ARID1B: variants seen among roughly 807,000 people sequenced by gnomAD.
ARID1B encodes the protein AT-rich interaction domain 1B.
Under a neutral mutation model 212.3 loss-of-function variants are expected in ARID1B, and 30 were observed. The ratio of observed to expected loss-of-function variants is 0.14; its 90% confidence interval spans 0.11 to 0.19. ARID1B has a LOEUF of 0.19. ARID1B is among the 10% of genes least tolerant of loss of function. The probability of loss-of-function intolerance (pLI) is 1.00; values close to 1 mark genes in which losing one functional copy is unlikely to be tolerated. For synonymous variants in ARID1B, 1,402 were observed against 1,301.7 expected (o/e 1.08, Z -1.66); for missense variants, 2,891 against 3,204.0 (o/e 0.90, Z 2.36).
chr6:157,081,550 C>G (rs147297851), intron 4 of ARID1B, among the ~76,000 whole-genome samples: 2 of 152,288 alleles, frequency 1.3e-5, no homozygotes, highest in Admixed American at 1.3e-4. Flanking sequence ...GAGGTCTAGT[C>G]AGCACTGAAA....
At chr6:157,184,119 A>T in intron 12 of ARID1B, 112 bp from the exon 13 acceptor site, 1 of 954,614 alleles carries the variant, frequency 1.0e-6, no homozygotes, top group Non-Finnish European at 1.6e-6. Context: ...AGCATTAGTT[A>T]AAAGAGGCAA....
intron 4 of ARID1B, among the ~76,000 whole-genome samples, chr6:157,065,014 CA>C (rs1317038613): frequency 1.3e-5 from 2 of 152,128 alleles, no homozygotes; most frequent in Non-Finnish European, 2.9e-5. Flanking sequence ...GTTTGTTTAA[CA>C]AAAATTATTA....
intron 1 of ARID1B, among the ~76,000 whole-genome samples, chr6:156,786,440 G>T (rs1332286950): frequency 6.6e-6 from 1 of 152,154 alleles, no homozygotes; most frequent in Non-Finnish European, 1.5e-5. Flanking sequence ...CAGCTGTGAA[G>T]GGAGACTTCT....
intron 2 of ARID1B, among the ~76,000 whole-genome samples, chr6:156,864,312 T>C (rs1189365123): frequency 6.6e-6 from 1 of 152,198 alleles, no homozygotes; most frequent in Non-Finnish European, 1.5e-5. Flanking sequence ...CAAATTGTTA[T>C]CTTGTCTTTC....
In ARID1B at chr6:157,001,486, A is replaced by G. The variant is rs570688952; in HGVS notation, c.2247+65910A>G. Among the ~76,000 whole-genome samples the G allele has an allele frequency of 6.6e-5, 10 of 152,220 alleles. No individual in the cohort carries two copies. The East Asian group carries it at 1.9e-3, about 29-fold the overall frequency. ...GTCCGACGTCTCCTTTCTAGGGGAGAGGAGCCTGAGACCAACCATCGAAGC... is the reference window on the plus strand; with the variant it reads ...GTCCGACGTCTCCTTTCTAGGGGAGGGGAGCCTGAGACCAACCATCGAAGC... On this transcript the variant is annotated intron_variant, in intron 4 of 19. Coordinates refer to ENST00000636930, the MANE Select transcript of ARID1B (RefSeq NM_001374828.1).
intron 4 of ARID1B, among the ~76,000 whole-genome samples, chr6:156,993,160 G>T (rs964329999): frequency 2.0e-5 from 3 of 150,776 alleles, no homozygotes; most frequent in African/African-American, 4.9e-5. Context: ...TCCTGCCTCA[G>T]CCTCCTGAGT....
intron 8 of ARID1B, among the ~76,000 whole-genome samples, chr6:157,156,704 C>T (rs887272608): frequency 3.9e-5 from 6 of 152,162 alleles, no homozygotes; most frequent in African/African-American, 9.7e-5. Flanking sequence ...GGGGCCAAGG[C>T]GCGGGAGCCT....
intron 4 of ARID1B, among the ~76,000 whole-genome samples, chr6:156,980,124 A>G (rs1310721446): frequency 1.3e-5 from 2 of 152,212 alleles, no homozygotes; most frequent in Non-Finnish European, 2.9e-5. Flanking sequence ...CATTCATTAA[A>G]ATTTTTTGTA....
At position 157,123,185 on chromosome 6, in the gene ARID1B, TG is replaced by T. The variant is rs1331599255; in HGVS notation, c.2582-9842del. Reference sequence around the variant, plus strand: ...CGATGGGGATTTTGAGATCTTTCTCTGTCTCTGTCTCTGTCTCTCTCTCAAT... The same window carrying T: ...CGATGGGGATTTTGAGATCTTTCTCTTCTCTGTCTCTGTCTCTCTCTCAAT... On this transcript the variant is annotated intron_variant, in intron 6 of 19. Transcript: ENST00000636930. Among the ~76,000 whole-genome samples, 11 of 141,108 alleles carry T rather than the reference TG, an allele frequency of 7.8e-5. No homozygotes were observed. In the South Asian group the frequency reaches 1.9e-3, roughly 24 times the overall value. 92.6% of individuals were successfully genotyped at this position (141,108 alleles called of 152,430 possible).
In ARID1B at chr6:157,203,810, G is replaced by A. The variant is rs111845266; in HGVS notation, c.5264-56G>A. The A allele has an allele frequency of 3.8e-5, 61 of 1,592,504 alleles. No homozygotes were observed. The highest frequency in any genetic ancestry group is 3.4e-4 in the East Asian group (15 of 44,558). ...TTTTCTTACTCTTTCGTTAACTTTCGTTCTTTCATGCATAGAGTCAACATT... is the reference window on the plus strand; with the variant it reads ...TTTTCTTACTCTTTCGTTAACTTTCATTCTTTCATGCATAGAGTCAACATT... On this transcript the variant is annotated intron_variant, in intron 18 of 19. Transcript: ENST00000636930. This position sits in a 1 kb window ranked among gnomAD's most constrained non-coding sequence, Gnocchi z 4.4.
intron 4 of ARID1B, among the ~76,000 whole-genome samples, chr6:157,044,300 T>C (rs1782080084): frequency 6.6e-6 from 1 of 152,006 alleles, no homozygotes; most frequent in African/African-American, 2.4e-5. Context: ...TTTTCAACTG[T>C]GGAAAATGTG....
At chr6:157,087,201 G>A (rs947854617) in intron 5 of ARID1B, among the ~76,000 whole-genome samples, 3 of 152,072 alleles carry the variant, frequency 2.0e-5, no homozygotes, top group Admixed American at 2.0e-4. Flanking sequence ...ATTCTTAACT[G>A]TCTTTGCTAA....
intron 4 of ARID1B, among the ~76,000 whole-genome samples, chr6:157,033,635 C>T (rs774933487): frequency 1.1e-4 from 16 of 151,922 alleles, no homozygotes; most frequent in Non-Finnish European, 1.6e-4. Flanking sequence ...GGAGGTGGGC[C>T]GTAGGGTAAT....
At chr6:156,806,011 T>A (rs994784802) in intron 1 of ARID1B, among the ~76,000 whole-genome samples, 1 of 152,112 alleles carries the variant, frequency 6.6e-6, no homozygotes, top group African/African-American at 2.4e-5. Flanking sequence ...TAATGTGAGT[T>A]CCCCCTCACT....
At chr6:157,117,287 T>A (rs1787384199) in intron 6 of ARID1B, among the ~76,000 whole-genome samples, 1 of 152,250 alleles carries the variant, frequency 6.6e-6, no homozygotes, top group East Asian at 1.9e-4. Flanking sequence ...TATTGAATAT[T>A]TCATTATTCA....
intron 4 of ARID1B, among the ~76,000 whole-genome samples, chr6:157,005,133 T>C (rs1453043673): frequency 2.0e-5 from 1 of 51,176 alleles, no homozygotes; most frequent in Non-Finnish European, 3.9e-5. Context: ...AGGCTGTTTT[T>C]TGTTGTTGTT....
chr6:156,824,199 T>G (rs1782585355), intron 1 of ARID1B, among the ~76,000 whole-genome samples: 1 of 152,206 alleles, frequency 6.6e-6, no homozygotes, highest in Non-Finnish European at 1.5e-5. Flanking sequence ...AAAATTGCAT[T>G]AAAAGCCAAG....
chr6:157,021,528 C>T (rs991327727), intron 4 of ARID1B, among the ~76,000 whole-genome samples: 1 of 152,220 alleles, frequency 6.6e-6, no homozygotes, highest in African/African-American at 2.4e-5. Flanking sequence ...CCTCCCTACC[C>T]CGCACGTAGG....
chr6:157,136,490 A>C (rs1357190096), intron 7 of ARID1B, among the ~76,000 whole-genome samples: 1 of 152,170 alleles, frequency 6.6e-6, no homozygotes, highest in South Asian at 2.1e-4. Context: ...TTCATTCAGT[A>C]AGCCACTAGG....
Sources: allele counts gnomAD v4.1 joint callset (sites outside exome capture counted in the v4.1 genomes callset), GRCh38; gene constraint gnomAD v4.1.1; non-coding constraint Gnocchi (gnomAD v3.1); transcripts MANE v1.5; gene names NCBI Gene and HGNC (gene_info 2026-07-23, HGNC 2026-07-21).